The following PLEKHM3 variants were observed in gnomAD, a reference collection of about 807,000 sequenced individuals.
The protein encoded by PLEKHM3 is pleckstrin homology domain-containing family M member 3.
Under a neutral mutation model 81.8 loss-of-function variants are expected in PLEKHM3, and 45 were observed. The observed-to-expected ratio is 0.55, with a 90% CI of 0.43 to 0.71. The LOEUF (loss-of-function observed/expected upper bound fraction) is 0.71, where lower values mean the gene tolerates loss of function less well. Ranked by LOEUF, PLEKHM3 falls within the 30% of genes least tolerant of loss-of-function variation. The probability of loss-of-function intolerance (pLI) is 0.00; values close to 1 mark genes in which losing one functional copy is unlikely to be tolerated. For synonymous variants in PLEKHM3, 352 were observed against 356.4 expected (o/e 0.99, Z 0.14); for missense variants, 788 against 924.3 (o/e 0.85, Z 1.91).
At chr2:207,972,586 C>CAAAAA (rs35602924) in intron 3 of PLEKHM3, among the ~76,000 whole-genome samples, 1 of 59,606 alleles carries the variant, frequency 1.7e-5, no homozygotes. Flanking sequence ...GACTCCGTCT[C>CAAAAA]AAAAAAAAAA....
intron 6 of PLEKHM3, among the ~76,000 whole-genome samples, chr2:207,871,002 G>C (rs895793923): frequency 6.6e-6 from 1 of 152,094 alleles, no homozygotes; most frequent in Non-Finnish European, 1.5e-5. Context: ...AAGCTACTTA[G>C]GAGGCTGAGG....
At chr2:207,924,852 G>A (rs1311329304) in intron 5 of PLEKHM3, among the ~76,000 whole-genome samples, 1 of 152,160 alleles carries the variant, frequency 6.6e-6, no homozygotes, top group Non-Finnish European at 1.5e-5. Context: ...TAGCATTAGG[G>A]AGCTGGAGGA....
intron 2 of PLEKHM3, among the ~76,000 whole-genome samples, chr2:207,998,905 A>C (rs1307118547): frequency 1.3e-5 from 2 of 152,226 alleles, no homozygotes; most frequent in Non-Finnish European, 2.9e-5. Flanking sequence ...TACTAATCAG[A>C]AGGTGCAACT....
intron 7 of PLEKHM3, 32 bp from the exon 8 acceptor site, chr2:207,828,528 A>C (rs1423061594): frequency 3.7e-6 from 6 of 1,603,208 alleles, no homozygotes; most frequent in Admixed American, 1.7e-5. Context: ...ATGATGAGCA[A>C]GACTGAAGCC....
At chr2:207,885,060 C>G (rs949167046) in intron 6 of PLEKHM3, among the ~76,000 whole-genome samples, 17 of 152,202 alleles carry the variant, frequency 1.1e-4, no homozygotes, top group Non-Finnish European at 1.6e-4. Flanking sequence ...ATGTAAGGGA[C>G]AGGGCCACTC....
chr2:207,881,594 C>A (rs1323965449), intron 6 of PLEKHM3, among the ~76,000 whole-genome samples: 4 of 152,184 alleles, frequency 2.6e-5, no homozygotes, highest in African/African-American at 7.2e-5. Flanking sequence ...TTCCCAAATT[C>A]TCTGTAATCA....
intron 4 of PLEKHM3, among the ~76,000 whole-genome samples, chr2:207,933,284 T>C (rs73983647): frequency 0.034 from 5,226 of 152,268 alleles, 279 homozygotes; most frequent in African/African-American, 0.12. Context: ...AGGCATTCAG[T>C]GGAGAATAAA....
intron 6 of PLEKHM3, among the ~76,000 whole-genome samples, chr2:207,879,077 G>A (rs184132581): frequency 1.2e-3 from 183 of 152,236 alleles, no homozygotes; most frequent in Non-Finnish European, 1.2e-3. Flanking sequence ...TACCATGTAT[G>A]AGTTCTGGGT....
At chr2:207,848,090 A>G (rs927684220) in intron 7 of PLEKHM3, among the ~76,000 whole-genome samples, 4 of 152,194 alleles carry the variant, frequency 2.6e-5, no homozygotes, top group Admixed American at 2.6e-4. Context: ...TGAGGGCATA[A>G]TCCAGGTATT....
Position 208,000,444 on chromosome 2 carries a change from C to T in PLEKHM3, c.610+586G>A, listed in dbSNP as rs558242749. Reference sequence around the variant, plus strand: ...GTCTTCTCCTTCTTCTGTCCTTTTACGGTCACTGCCATTCACTCTTATATG... The same window carrying T: ...GTCTTCTCCTTCTTCTGTCCTTTTATGGTCACTGCCATTCACTCTTATATG... On this transcript the variant is annotated intron_variant, in intron 2 of 7. Coordinates refer to ENST00000427836, the MANE Select transcript of PLEKHM3 (RefSeq NM_001080475.3). 1.5e-3 allele frequency among the ~76,000 whole-genome samples: 228 copies of T among 152,286 alleles called. 2 individuals carry two copies. The highest frequency in any genetic ancestry group is 2.2e-3 in the Non-Finnish European group (153 of 68,034).
At chr2:207,939,348 A>G (rs1689860748) in intron 4 of PLEKHM3, among the ~76,000 whole-genome samples, 1 of 152,200 alleles carries the variant, frequency 6.6e-6, no homozygotes, top group African/African-American at 2.4e-5. Flanking sequence ...GCTGAGTTTT[A>G]GGATTTGCTG....
At chr2:207,835,149 T>TG (rs2092311806) in intron 7 of PLEKHM3, among the ~76,000 whole-genome samples, 1 of 151,992 alleles carries the variant, frequency 6.6e-6, no homozygotes, top group Admixed American at 6.6e-5. Context: ...TTCACCACGT[T>TG]GGCCAGGCTA....
chr2:208,022,012 T>G (rs1452850604), intron 1 of PLEKHM3, among the ~76,000 whole-genome samples: 2 of 152,254 alleles, frequency 1.3e-5, no homozygotes, highest in Non-Finnish European at 1.5e-5. Context: ...GAACATTAAC[T>G]TTTAAAATAT....
chr2:207,835,227 G>A (rs1275335035), intron 7 of PLEKHM3, among the ~76,000 whole-genome samples: 1 of 152,138 alleles, frequency 6.6e-6, no homozygotes, highest in Non-Finnish European at 1.5e-5. Flanking sequence ...ACAGGTGTGA[G>A]CCACCGTACC....
At chr2:207,944,909 T>C (rs979828557) in intron 4 of PLEKHM3, among the ~76,000 whole-genome samples, 1 of 152,210 alleles carries the variant, frequency 6.6e-6, no homozygotes, top group African/African-American at 2.4e-5. Flanking sequence ...AAACCTAACT[T>C]GACCCCACTT....
chr2:207,933,321 A>C (rs556805625), intron 4 of PLEKHM3, among the ~76,000 whole-genome samples: 1 of 152,342 alleles, frequency 6.6e-6, no homozygotes, highest in East Asian at 1.9e-4. Context: ...CTTTAGGTAT[A>C]ATAGCCCACA....
In PLEKHM3 at chr2:207,827,339, G is replaced by C. The variant is rs1344586945; in HGVS notation, c.*980C>G. ...CTGCCTCCACAGGATTCTGAGAAAA[G>C]AAACTAAAACGACCCTCTTTGGGAA... On this transcript the variant is annotated 3_prime_UTR_variant, in exon 8 of 8. Coordinates refer to ENST00000427836, the MANE Select transcript of PLEKHM3 (RefSeq NM_001080475.3). The C allele has an allele frequency of 3.4e-5, 5 of 149,008 alleles. No homozygotes were observed. The highest frequency in any genetic ancestry group is 1.2e-4 in the African/African-American group (5 of 40,710). 9.2% of individuals were successfully genotyped at this position (149,008 alleles called of 1,614,324 possible). A position where few individuals can be genotyped will look rare whatever the true frequency, so the allele number is the denominator to read the frequency against.
intron 7 of PLEKHM3, among the ~76,000 whole-genome samples, chr2:207,851,979 C>A (rs2092415333): frequency 6.6e-6 from 1 of 152,070 alleles, no homozygotes; most frequent in Non-Finnish European, 1.5e-5. Flanking sequence ...AGTACTTTGG[C>A]CATTTTACAG....
At chr2:207,856,121 A>G (rs1428029400) in intron 7 of PLEKHM3, among the ~76,000 whole-genome samples, 1 of 152,194 alleles carries the variant, frequency 6.6e-6, no homozygotes, top group African/African-American at 2.4e-5. Context: ...CTTAGAGTCA[A>G]CTGTTCAGTT....
Sources: gnomAD v4.1 joint callset for allele counts (sites outside exome capture counted in the v4.1 genomes callset) on GRCh38, gnomAD v4.1.1 for gene constraint, MANE v1.5 for transcripts, NCBI Gene and HGNC (gene_info 2026-07-23, HGNC 2026-07-21) for gene names.